Variants in FOXO3 observed in about 807,000 individuals in gnomAD.
FOXO3 encodes the protein forkhead box O3.
FOXO3 carries 4 observed loss-of-function variants against 41.9 expected under a neutral mutation model. That is an observed-to-expected ratio of 0.10 (90% CI 0.05 to 0.22). FOXO3 has a LOEUF of 0.22. FOXO3 is among the 10% of genes least tolerant of loss of function. The probability of loss-of-function intolerance (pLI) is 1.00; values close to 1 mark genes in which losing one functional copy is unlikely to be tolerated. For missense variants in FOXO3, 534 were observed against 906.8 expected (o/e 0.59, Z 5.28); for synonymous variants, 318 against 389.3 (o/e 0.82, Z 2.16).
chr6:108,579,894 AAGGAGGCTATAGAGG>A (rs1159577134), intron 1 of FOXO3, among the ~76,000 whole-genome samples: 1 of 151,998 alleles, frequency 6.6e-6, no homozygotes, highest in Non-Finnish European at 1.5e-5. Context: ...ACATTTCCTT[AAGGAGGCTATAGAGG>A]AGGCCTCTGG....
At chr6:108,573,156 G>A (rs1170056218) in intron 1 of FOXO3, among the ~76,000 whole-genome samples, 13 of 152,028 alleles carry the variant, frequency 8.6e-5, no homozygotes, top group African/African-American at 2.4e-4. Context: ...GTGTGGTGGC[G>A]GGCACCTGTA....
chr6:108,585,102 C>A (rs1356876032), intron 1 of FOXO3, among the ~76,000 whole-genome samples: 2 of 122,814 alleles, frequency 1.6e-5, no homozygotes, highest in African/African-American at 6.1e-5. Flanking sequence ...ACTGCAATGG[C>A]GCAATCTCGG....
intron 1 of FOXO3, among the ~76,000 whole-genome samples, chr6:108,627,073 A>G (rs1370309253): frequency 1.3e-5 from 2 of 152,252 alleles, no homozygotes; most frequent in Non-Finnish European, 2.9e-5. Context: ...AGGTAGGGGA[A>G]TGAAGCAAGA....
intron 1 of FOXO3, among the ~76,000 whole-genome samples, chr6:108,650,877 T>A (rs1778530703): frequency 6.6e-6 from 1 of 152,198 alleles, no homozygotes; most frequent in Non-Finnish European, 1.5e-5. Context: ...GTGTGTGTAA[T>A]TAGCACCCAG....
chr6:108,625,018 A>G (rs184085096), intron 1 of FOXO3, among the ~76,000 whole-genome samples: 1 of 152,256 alleles, frequency 6.6e-6, no homozygotes, highest in African/African-American at 2.4e-5. Context: ...ATGGGCTCAA[A>G]TGATCCTCTT....
chr6:108,590,136 TC>T (rs1776694516), intron 1 of FOXO3, among the ~76,000 whole-genome samples: 1 of 151,790 alleles, frequency 6.6e-6, no homozygotes, highest in Admixed American at 6.6e-5. Flanking sequence ...TTAATTTAAA[TC>T]TTTTTTTTTT....
intron 1 of FOXO3, among the ~76,000 whole-genome samples, chr6:108,653,521 G>T (rs1249228774): frequency 6.6e-6 from 1 of 152,140 alleles, no homozygotes; most frequent in Non-Finnish European, 1.5e-5. Flanking sequence ...TTCAGGTGTG[G>T]CACTGTGCCT....
Position 108,671,139 on chromosome 6 carries a change from A to G in FOXO3, c.*34+6250A>G, listed in dbSNP as rs542032598. ...GCCTGGTTTTCTGGGACACCCCTGCATTCAGGGGTTCTGTTCCATTATCAC... is the reference window on the plus strand; with the variant it reads ...GCCTGGTTTTCTGGGACACCCCTGCGTTCAGGGGTTCTGTTCCATTATCAC... On this transcript the variant is annotated intron_variant, in intron 2 of 2. Transcript: ENST00000406360. Among the ~76,000 whole-genome samples, 13 of 152,338 alleles carry G rather than the reference A, an allele frequency of 8.5e-5. No individual in the cohort carries two copies. The South Asian group carries it at 2.1e-3, about 24-fold the overall frequency.
intron 1 of FOXO3, among the ~76,000 whole-genome samples, chr6:108,591,119 A>G (rs558087576): frequency 3.3e-5 from 5 of 152,236 alleles, no homozygotes; most frequent in Non-Finnish European, 7.3e-5. Flanking sequence ...GGAGTGTTAC[A>G]GCATTTCACA....
At chr6:108,668,977 T>C (rs2128389382) in intron 2 of FOXO3, among the ~76,000 whole-genome samples, 1 of 152,194 alleles carries the variant, frequency 6.6e-6, no homozygotes, top group Non-Finnish European at 1.5e-5. Context: ...CCGGGCGTGG[T>C]GGCGGGCGCC....
intron 1 of FOXO3, among the ~76,000 whole-genome samples, chr6:108,563,083 G>C (rs1226032922): frequency 6.6e-6 from 1 of 151,986 alleles, no homozygotes; most frequent in African/African-American, 2.4e-5. Context: ...TGTCTTCCTG[G>C]GTTTCAGGAG....
intron 1 of FOXO3, among the ~76,000 whole-genome samples, chr6:108,636,765 GC>G (rs200130001): frequency 0.01 from 1,584 of 152,260 alleles, 15 homozygotes; most frequent in Non-Finnish European, 0.017. Flanking sequence ...AGACCACCCA[GC>G]CTAGCAGCCA....
chr6:108,628,386 C>T (rs994755226), intron 1 of FOXO3, among the ~76,000 whole-genome samples: 4 of 152,240 alleles, frequency 2.6e-5, no homozygotes, highest in Admixed American at 2.0e-4. Context: ...GAGTGTGTCT[C>T]TGGCTGCGCA....
chr6:108,601,954 A>G (rs1364499067), intron 1 of FOXO3, among the ~76,000 whole-genome samples: 3 of 152,230 alleles, frequency 2.0e-5, no homozygotes, highest in African/African-American at 2.4e-5. Context: ...TGCTATGAAT[A>G]TTAATTTACA....
At chr6:108,599,414 C>T (rs1488929035) in intron 1 of FOXO3, among the ~76,000 whole-genome samples, 3 of 152,150 alleles carry the variant, frequency 2.0e-5, no homozygotes, top group Admixed American at 6.5e-5. Flanking sequence ...CTTATTTGAA[C>T]GGTGCTCAAC....
At chr6:108,612,605 G>A (rs12192758) in intron 1 of FOXO3, among the ~76,000 whole-genome samples, 14,655 of 151,904 alleles carry the variant, frequency 0.096, 736 homozygotes, top group East Asian at 0.15. Flanking sequence ...GCTTGAACCC[G>A]GGAGGCAGAG....
upstream of FOXO3, chr6:108,560,040 G>A (rs996093560): frequency 4.6e-5 from 7 of 152,214 alleles, no homozygotes; most frequent in African/African-American, 1.7e-4. Flanking sequence ...CGTGCAGCGG[G>A]CGGCCGCCTT....
intron 1 of FOXO3, among the ~76,000 whole-genome samples, chr6:108,598,468 G>C (rs1399878683): frequency 1.3e-5 from 2 of 152,140 alleles, no homozygotes; most frequent in Non-Finnish European, 2.9e-5. Context: ...ACATAAAAAA[G>C]AACCACTGGC....
intron 1 of FOXO3, among the ~76,000 whole-genome samples, chr6:108,637,902 C>G (rs956663346): frequency 6.6e-6 from 1 of 151,948 alleles, no homozygotes; most frequent in Non-Finnish European, 1.5e-5. Context: ...GTATTAATGA[C>G]AGTTTAATGT....
Sources: gnomAD v4.1 joint callset for allele counts (sites outside exome capture counted in the v4.1 genomes callset) on GRCh38, gnomAD v4.1.1 for gene constraint, MANE v1.5 for transcripts, NCBI Gene and HGNC (gene_info 2026-07-23, HGNC 2026-07-21) for gene names.